Variants in DACH1 observed in about 807,000 individuals in gnomAD.
DACH1 encodes dachshund homolog 1.
DACH1 carries 12 observed loss-of-function variants against 54.2 expected under a neutral mutation model. The ratio of observed to expected loss-of-function variants is 0.22; its 90% confidence interval spans 0.14 to 0.36. DACH1 has a LOEUF of 0.36. Among genes scored for constraint, DACH1 ranks in the 10% least tolerant of loss-of-function variants. The pLI, the probability that DACH1 is intolerant of heterozygous loss-of-function variation, is 1.00. For missense variants in DACH1, 805 were observed against 929.8 expected, an observed-to-expected ratio of 0.87 and a Z score of 1.75; for synonymous variants, 386 against 366.2, an observed-to-expected ratio of 1.05 and a Z score of -0.62.
chr13:71,612,726 G>C (rs1302921490), intron 3 of DACH1, among the ~76,000 whole-genome samples: 1 of 152,142 alleles, frequency 6.6e-6, no homozygotes, highest in Non-Finnish European at 1.5e-5. Context: ...AAGAAAATGA[G>C]ATTATAACAC....
intron 2 of DACH1, chr13:71,675,373 C>T (rs1594083794): frequency 1.3e-5 from 19 of 1,496,846 alleles, no homozygotes; most frequent in Non-Finnish European, 1.6e-5. Flanking sequence ...TCTGGTTGGC[C>T]TTTTTGAAGA....
At chr13:71,705,759 T>C (rs1373671098) in intron 1 of DACH1, among the ~76,000 whole-genome samples, 1 of 152,132 alleles carries the variant, frequency 6.6e-6, no homozygotes, top group African/African-American at 2.4e-5. Context: ...TCTTTCTTTT[T>C]TTTTTTAGAA....
At chr13:71,642,677 T>C (rs1375114534) in intron 2 of DACH1, among the ~76,000 whole-genome samples, 1 of 152,132 alleles carries the variant, frequency 6.6e-6, no homozygotes, top group African/African-American at 2.4e-5. Context: ...TCTACAAACA[T>C]TAATACATCA....
intron 6 of DACH1, among the ~76,000 whole-genome samples, chr13:71,531,458 T>C (rs1882410557): frequency 6.6e-6 from 1 of 152,004 alleles, no homozygotes; most frequent in South Asian, 2.1e-4. Flanking sequence ...CTAAGAGGTG[T>C]ACAACTATGG....
intron 1 of DACH1, among the ~76,000 whole-genome samples, chr13:71,792,038 C>T (rs1029665354): frequency 2.0e-5 from 3 of 152,134 alleles, no homozygotes; most frequent in African/African-American, 7.2e-5. Context: ...CTTTGCATTT[C>T]CTCTTGTGTC....
chr13:71,797,534 C>G (rs547568305), intron 1 of DACH1, among the ~76,000 whole-genome samples: 1 of 152,138 alleles, frequency 6.6e-6, no homozygotes, highest in Admixed American at 6.6e-5. Flanking sequence ...AACCAATTCC[C>G]AATAAATTCT....
chr13:71,680,894 A>T (rs1880857260), intron 2 of DACH1, among the ~76,000 whole-genome samples: 1 of 152,046 alleles, frequency 6.6e-6, no homozygotes, highest in Non-Finnish European at 1.5e-5. Flanking sequence ...GAAAAATACA[A>T]TACTGATACA....
chr13:71,633,221 A>G (rs1321791360), intron 2 of DACH1, among the ~76,000 whole-genome samples: 1 of 152,198 alleles, frequency 6.6e-6, no homozygotes, highest in Non-Finnish European at 1.5e-5. Context: ...CAACCATCCA[A>G]TTATCTTGAA....
chr13:71,704,599 AC>A, intron 1 of DACH1: 1 of 457,238 alleles, frequency 2.2e-6, no homozygotes. Context: ...CTTTATGAGA[AC>A]CCATGGCAGG....
intron 1 of DACH1, among the ~76,000 whole-genome samples, chr13:71,726,656 A>G (rs1487146840): frequency 3.3e-5 from 5 of 152,056 alleles, no homozygotes; most frequent in Admixed American, 2.6e-4. Context: ...TCTCCTTATT[A>G]AATATCATGT....
chr13:71,600,532 T>C (rs1339249948), intron 3 of DACH1, among the ~76,000 whole-genome samples: 2 of 151,972 alleles, frequency 1.3e-5, no homozygotes, highest in African/African-American at 2.4e-5. Flanking sequence ...CAAGTATACA[T>C]GCATATTTAT....
At chr13:71,516,272 C>T (rs980636588) in intron 6 of DACH1, among the ~76,000 whole-genome samples, 1 of 151,832 alleles carries the variant, frequency 6.6e-6, no homozygotes, top group African/African-American at 2.4e-5. Flanking sequence ...TTTCCCATTC[C>T]ACTTGCTCAA....
chr13:71,639,691 C>T (rs1182458360), intron 2 of DACH1, among the ~76,000 whole-genome samples: 3 of 152,042 alleles, frequency 2.0e-5, no homozygotes, highest in Non-Finnish European at 4.4e-5. Flanking sequence ...GAAGGAACAC[C>T]ATAGGGAAGT....
In DACH1 at chr13:71,718,947, G is replaced by A. The variant is rs538616935; in HGVS notation, c.849-37037C>T. On this transcript the variant is annotated intron_variant, in intron 1 of 10. Coordinates refer to ENST00000613252, the MANE Select transcript of DACH1 (RefSeq NM_080759.6). ...TTGCTTTTAGAATAAAAATTATTAG[G>A]TAAGAAGATTTTTAAGTAATAGCCA... 9.2e-5 allele frequency among the ~76,000 whole-genome samples: 14 copies of A among 152,100 alleles called. No individual in the cohort carries two copies. In the South Asian group the frequency reaches 2.7e-3, roughly 29 times the overall value.
intron 10 of DACH1, among the ~76,000 whole-genome samples, chr13:71,460,524 A>C (rs932858948): frequency 6.6e-6 from 1 of 151,840 alleles, no homozygotes; most frequent in African/African-American, 2.4e-5. Context: ...TGGGTGGATG[A>C]TTGGGTGGTG....
At position 71,481,208 on chromosome 13, in the gene DACH1, C is replaced by A. The variant is rs866893497; in HGVS notation, c.1723-1892G>T. 3.0e-4 allele frequency among the ~76,000 whole-genome samples: 45 copies of A among 152,248 alleles called. 1 individual carries two copies. Among genetic ancestry groups the A allele is most frequent in the African/African-American group, 1.0e-3 (43 of 41,542 alleles). Reference sequence around the variant, plus strand: ...ATCTTTGAAAGATGTACTCTGTGTGCAATGTCTAGAGATTATTTAGCAAGA... The same window carrying A: ...ATCTTTGAAAGATGTACTCTGTGTGAAATGTCTAGAGATTATTTAGCAAGA... On this transcript the variant is annotated intron_variant, in intron 7 of 10. Coordinates refer to ENST00000613252, the MANE Select transcript of DACH1 (RefSeq NM_080759.6).
At chr13:71,594,627 T>C (rs1873962891) in intron 3 of DACH1, among the ~76,000 whole-genome samples, 1 of 152,138 alleles carries the variant, frequency 6.6e-6, no homozygotes, top group African/African-American at 2.4e-5. Context: ...AGAAAATAAA[T>C]GTTTTAACTG....
chr13:71,744,924 T>C (rs1208930370), intron 1 of DACH1, among the ~76,000 whole-genome samples: 1 of 152,220 alleles, frequency 6.6e-6, no homozygotes, highest in Non-Finnish European at 1.5e-5. Context: ...CAAGGTTTGG[T>C]TGAAAAGAAT....
intron 6 of DACH1, among the ~76,000 whole-genome samples, chr13:71,495,794 A>T (rs981971605): frequency 6.6e-6 from 1 of 152,176 alleles, no homozygotes; most frequent in Admixed American, 6.6e-5. Flanking sequence ...TCGACCCAGC[A>T]ATACCACTAC....
Sources: gnomAD v4.1 joint callset for allele counts (sites outside exome capture counted in the v4.1 genomes callset) on GRCh38, gnomAD v4.1.1 for gene constraint, MANE v1.5 for transcripts, NCBI Gene and HGNC (gene_info 2026-07-23, HGNC 2026-07-21) for gene names.